Variants in RGS22 observed in about 807,000 individuals in gnomAD.
RGS22 encodes regulator of G-protein signaling 22.
In RGS22, 148 loss-of-function variants were observed where a neutral mutation model predicts 172.9. That is an observed-to-expected ratio of 0.86 (90% confidence interval 0.75 to 0.98). The LOEUF (loss-of-function observed/expected upper bound fraction) is 0.98, where lower values mean the gene tolerates loss of function less well. Among genes scored for constraint, RGS22 ranks in the 50% least tolerant of loss-of-function variants. The pLI is 0.00. For synonymous variants in RGS22, 458 were observed against 480.2 expected, an observed-to-expected ratio of 0.95 and a Z score of 0.60; for missense variants, 1,347 against 1,440.8, an observed-to-expected ratio of 0.93 and a Z score of 1.05.
At chr8:100,069,974 G>C (rs1339007733) in intron 6 of RGS22, among the ~76,000 whole-genome samples, 2 of 132,896 alleles carry the variant, frequency 1.5e-5, no homozygotes, top group Non-Finnish European at 3.0e-5. Flanking sequence ...GTTGCAGTGA[G>C]CAGAGATCAT....
intron 23 of RGS22, among the ~76,000 whole-genome samples, chr8:99,972,055 T>A (rs1347801965): frequency 6.6e-6 from 1 of 152,074 alleles, no homozygotes; most frequent in Non-Finnish European, 1.5e-5. Flanking sequence ...AACAGATATA[T>A]AGACCAATGG....
At chr8:99,975,727 T>C (rs902073944) in intron 23 of RGS22, among the ~76,000 whole-genome samples, 1 of 152,144 alleles carries the variant, frequency 6.6e-6, no homozygotes, top group African/African-American at 2.4e-5. Flanking sequence ...TTAAAATTAT[T>C]TGTAGAGATG....
chr8:99,979,231 A>G (rs1230669979), intron 22 of RGS22, among the ~76,000 whole-genome samples: 2 of 152,104 alleles, frequency 1.3e-5, no homozygotes, highest in African/African-American at 2.4e-5. Flanking sequence ...CTCCTCTATT[A>G]ATCATACTTC....
chr8:99,961,246 T>G, intron 27 of RGS22, 50 bp from the exon 28 acceptor site: 1 of 436,886 alleles, frequency 2.3e-6, no homozygotes, highest in East Asian at 7.0e-5. Context: ...ATAGAAAATA[T>G]AAATACAAAT....
intron 9 of RGS22, among the ~76,000 whole-genome samples, chr8:100,058,678 A>G (rs780790375): frequency 2.0e-5 from 3 of 152,192 alleles, no homozygotes; most frequent in Non-Finnish European, 4.4e-5. Context: ...GGAGAAATAA[A>G]GACTTTCCCA....
Position 100,078,035 on chromosome 8 carries a change from C to A in RGS22, c.339+2099G>T, listed in dbSNP as rs570118111. The stretch of plus-strand genomic sequence containing the variant: ...GTGCTTTGCCAGATATCAATATAGT[C>A]ACTCCAGCTTTCCTTTAATTCATAA... On this transcript the variant is annotated intron_variant, in intron 4 of 27. Transcript: ENST00000360863. 2.0e-5 allele frequency among the ~76,000 whole-genome samples: 3 copies of A among 152,172 alleles called. No individual in the cohort carries two copies. The East Asian group carries it at 5.8e-4, about 29-fold the overall frequency.
intron 14 of RGS22, among the ~76,000 whole-genome samples, chr8:100,017,891 G>C (rs575921770): frequency 1.1e-4 from 17 of 152,266 alleles, no homozygotes; most frequent in African/African-American, 4.1e-4. Context: ...TGTTAGAGAA[G>C]AAAATGCTCC....
At chr8:99,978,953 G>A (rs192825343) in intron 22 of RGS22, among the ~76,000 whole-genome samples, 37 of 152,216 alleles carry the variant, frequency 2.4e-4, no homozygotes, top group South Asian at 1.7e-3. Flanking sequence ...CTGAAATGGC[G>A]TATTTCATTA....
chr8:100,002,369 A>C lies in RGS22; in HGVS notation c.2628-5T>G. The C allele has an allele frequency of 6.3e-7, 1 of 1,594,064 alleles. No individual in the cohort carries two copies. The highest frequency in any genetic ancestry group is 8.5e-7 in the Non-Finnish European group (1 of 1,174,850). ...GTCCAGCACATAAGATCCATGCTAAAATGAAAACAAAAACAATGTATAGCT... is the reference window on the plus strand; with the variant it reads ...GTCCAGCACATAAGATCCATGCTAACATGAAAACAAAAACAATGTATAGCT... On this transcript the variant is annotated splice_region_variant and splice_polypyrimidine_tract_variant and intron_variant, in intron 17 of 27. Coordinates refer to ENST00000360863, the MANE Select transcript of RGS22 (RefSeq NM_015668.5).
chr8:100,003,926 C>A lies in RGS22; in HGVS notation c.2627G>T (p.Ser876Ile). The stretch of plus-strand genomic sequence containing the variant: ...AGAAATATATGGTTATGTCCCTCAC[C>A]TTGAAGAATGAGTCTCAAGAAACTG... ...FRQFLETHSS[S>I]MDLMCWTDIE... The change falls in exon 17 of 28, where the codon AGC becomes ATC. Residue 876 changes from serine (S) to isoleucine (I), a missense_variant and splice_region_variant. Transcript: ENST00000360863. The A allele has an allele frequency of 6.2e-7, 1 of 1,600,926 alleles. No homozygotes were observed. Among genetic ancestry groups the A allele is most frequent in the South Asian group, 1.1e-5 (1 of 88,780 alleles).
At chr8:99,971,290 G>C (rs910069077) in intron 23 of RGS22, among the ~76,000 whole-genome samples, 1 of 152,170 alleles carries the variant, frequency 6.6e-6, no homozygotes, top group African/African-American at 2.4e-5. Flanking sequence ...GGCAAAAGCT[G>C]AAAGGATTCC....
intron 14 of RGS22, among the ~76,000 whole-genome samples, chr8:100,018,545 T>C (rs1364169638): frequency 6.6e-6 from 1 of 152,244 alleles, no homozygotes; most frequent in Non-Finnish European, 1.5e-5. Context: ...TCTTAATACA[T>C]ATTAATTTGC....
intron 23 of RGS22, among the ~76,000 whole-genome samples, chr8:99,976,865 T>C (rs1197830577): frequency 6.6e-6 from 1 of 152,244 alleles, no homozygotes; most frequent in East Asian, 1.9e-4. Context: ...TGAGTGTTCA[T>C]TATATTACTT....
At chr8:100,061,301 T>C (rs1217011126) in intron 9 of RGS22, among the ~76,000 whole-genome samples, 1 of 152,110 alleles carries the variant, frequency 6.6e-6, no homozygotes, top group African/African-American at 2.4e-5. Flanking sequence ...AAGCAAAAAT[T>C]GACAAATTGG....
At chr8:100,000,508 AT>A (rs1814927542) in intron 18 of RGS22, among the ~76,000 whole-genome samples, 1 of 152,198 alleles carries the variant, frequency 6.6e-6, no homozygotes, top group African/African-American at 2.4e-5. Flanking sequence ...TATAAAATAC[AT>A]TTTAAAAGTG....
chr8:99,962,991 A>G lies in RGS22; in HGVS notation c.3616-13T>C, dbSNP rs750540817. 1.3e-6 allele frequency: 2 copies of G among 1,550,786 alleles called. No individual in the cohort carries two copies. The highest frequency in any genetic ancestry group is 4.6e-5 in the Admixed American group (2 of 43,354). On this transcript the variant is annotated splice_polypyrimidine_tract_variant and intron_variant, in intron 24 of 27. Transcript: ENST00000360863. Reference sequence around the variant, plus strand: ...AGCACCAGGTTGGCTAAAAAAAGCAATTTTCAAAGTTAATTCTGAAATGTT... The same window carrying G: ...AGCACCAGGTTGGCTAAAAAAAGCAGTTTTCAAAGTTAATTCTGAAATGTT...
At position 99,999,414 on chromosome 8, in the gene RGS22, G is replaced by T. The variant is rs1407626277; in HGVS notation, c.2797C>A (p.His933Asn). 2 of 1,611,998 alleles carry T rather than the reference G, an allele frequency of 1.2e-6. No homozygotes were observed. The highest frequency in any genetic ancestry group is 2.7e-5 in the African/African-American group (2 of 74,762). ...ATCTTCCCCCAGCCACCACTTAAATGCATTACCTAAGAAAATTAAGATGGA... is the reference window on the plus strand; with the variant it reads ...ATCTTCCCCCAGCCACCACTTAAATTCATTACCTAAGAAAATTAAGATGGA... Reference protein sequence around the residue: ...ASLYQQNQVMHLSGGWGKILH... With the variant: ...ASLYQQNQVMNLSGGWGKILH... The change falls in exon 19 of 28, where the codon CAT becomes AAT. Residue 933 changes from histidine (H) to asparagine (N), a missense_variant. His to Asn is a moderately conservative substitution (Grantham distance 68). Transcript: ENST00000360863.
At chr8:99,967,594 A>C (rs897597736) in intron 23 of RGS22, among the ~76,000 whole-genome samples, 4 of 152,152 alleles carry the variant, frequency 2.6e-5, no homozygotes, top group East Asian at 3.9e-4. Context: ...TTCTCCCCTC[A>C]CAGTGTTAAG....
intron 2 of RGS22, among the ~76,000 whole-genome samples, chr8:100,095,982 C>G (rs528965636): frequency 2.0e-5 from 3 of 152,280 alleles, no homozygotes; most frequent in African/African-American, 7.2e-5. Flanking sequence ...AAAGGCTTGT[C>G]CTTCTCTTAG....
Sources: gnomAD v4.1 joint callset for allele counts (sites outside exome capture counted in the v4.1 genomes callset) on GRCh38, gnomAD v4.1.1 for gene constraint, MANE v1.5 for transcripts, NCBI Gene and HGNC (gene_info 2026-07-23, HGNC 2026-07-21) for gene names.